The following CSMD1 variants were observed in gnomAD, a reference collection of about 807,000 sequenced individuals.
CSMD1 encodes the protein CUB and Sushi multiple domains 1.
In CSMD1, 213 loss-of-function variants were observed where a neutral mutation model predicts 417.5. The ratio of observed to expected loss-of-function variants is 0.51; its 90% confidence interval spans 0.46 to 0.57. The LOEUF is 0.57. Among genes scored for constraint, CSMD1 ranks in the 20% least tolerant of loss-of-function variants. The probability of loss-of-function intolerance (pLI) is 0.00; values close to 1 mark genes in which losing one functional copy is unlikely to be tolerated. For synonymous variants in CSMD1, 2,862 were observed against 1,736.8 expected (o/e 1.65, Z -16.11); for missense variants, 6,923 against 4,529.7 (o/e 1.53, Z -15.17).
At chr8:4,637,617 T>A in intron 1 of CSMD1, 59 bp from the exon 2 acceptor site, 1 of 1,060,718 alleles carries the variant, frequency 9.4e-7, no homozygotes, top group Non-Finnish European at 1.4e-6. Flanking sequence ...AATCTGTGAT[T>A]TAAAAAATTT....
intron 41 of CSMD1, among the ~76,000 whole-genome samples, chr8:3,141,049 T>G (rs1412841565): frequency 6.6e-6 from 1 of 152,194 alleles, no homozygotes; most frequent in Non-Finnish European, 1.5e-5. Flanking sequence ...ATCAACTCCG[T>G]GCACAATGGG....
At chr8:4,737,018 T>C (rs1357340911) in intron 1 of CSMD1, among the ~76,000 whole-genome samples, 3 of 152,148 alleles carry the variant, frequency 2.0e-5, no homozygotes, top group Non-Finnish European at 4.4e-5. Context: ...CATTCTATCA[T>C]AAAGACATAT....
chr8:3,761,306 A>G (rs1220585291), intron 5 of CSMD1, among the ~76,000 whole-genome samples: 2 of 152,170 alleles, frequency 1.3e-5, no homozygotes, highest in Non-Finnish European at 2.9e-5. Flanking sequence ...ATATATGTAC[A>G]CACGCACATA....
chr8:3,609,890 C>T (rs1031877978), intron 8 of CSMD1, among the ~76,000 whole-genome samples: 1 of 130,862 alleles, frequency 7.6e-6, no homozygotes, highest in African/African-American at 2.9e-5. Context: ...GCGATCTCGG[C>T]TCCTGGGTTC....
rs375278505 is a variant in CSMD1, at chr8:4,685,585, AAAAG to A, written c.86-48031_86-48028del. Among the ~76,000 whole-genome samples the A allele has an allele frequency of 3.8e-3, 582 of 152,078 alleles. 3 individuals are homozygous for A. The highest frequency in any genetic ancestry group is 0.012 in the African/African-American group (481 of 41,464). The stretch of plus-strand genomic sequence containing the variant: ...AATGAGACTCCTTCTTTAAAAGAAA[AAAAG>A]AAAGAAAGAAAGAAAGAAAGAAAAA... On this transcript the variant is annotated intron_variant, in intron 1 of 69. Transcript: ENST00000635120.
intron 2 of CSMD1, among the ~76,000 whole-genome samples, chr8:4,459,753 G>C (rs1375808572): frequency 6.6e-6 from 1 of 152,162 alleles, no homozygotes; most frequent in Non-Finnish European, 1.5e-5. Flanking sequence ...TAGTGATTCA[G>C]CCTCTAGCCT....
chr8:3,627,830 T>G (rs1414413691), intron 7 of CSMD1, among the ~76,000 whole-genome samples: 1 of 152,194 alleles, frequency 6.6e-6, no homozygotes, highest in African/African-American at 2.4e-5. Flanking sequence ...TATTAAGGTG[T>G]CTGATTTCAA....
intron 5 of CSMD1, among the ~76,000 whole-genome samples, chr8:3,935,756 A>T (rs1810452325): frequency 6.6e-6 from 1 of 152,154 alleles, no homozygotes. Context: ...CGTGAGACAC[A>T]GCAATAATCA....
chr8:3,258,518 T>C (rs1005366858), intron 26 of CSMD1, among the ~76,000 whole-genome samples: 10 of 152,204 alleles, frequency 6.6e-5, no homozygotes, highest in African/African-American at 2.4e-4. Context: ...GTTCAACCAT[T>C]ATGGAAGACA....
At chr8:3,839,115 T>C (rs1197330044) in intron 5 of CSMD1, among the ~76,000 whole-genome samples, 2 of 127,632 alleles carry the variant, frequency 1.6e-5, no homozygotes, top group African/African-American at 2.9e-5. Context: ...ATATATAGTC[T>C]ATATGTATAC....
chr8:4,964,058 G>A (rs1317890712), intron 1 of CSMD1, among the ~76,000 whole-genome samples: 4 of 152,088 alleles, frequency 2.6e-5, no homozygotes, highest in East Asian at 3.8e-4. Context: ...GGTGAATCTG[G>A]CAAGACATAT....
At chr8:3,772,379 T>TTAGACATA (rs1563064092) in intron 5 of CSMD1, among the ~76,000 whole-genome samples, 4 of 16,006 alleles carry the variant, frequency 2.5e-4, no homozygotes, top group African/African-American at 7.4e-4. Context: ...ATACATATAT[T>TTAGACATA]CATATATTTA....
chr8:4,557,729 C>T (rs775934383), intron 2 of CSMD1, among the ~76,000 whole-genome samples: 9 of 151,882 alleles, frequency 5.9e-5, no homozygotes, highest in Non-Finnish European at 1.3e-4. Flanking sequence ...TTCTATACAG[C>T]AAAGGGTCAA....
rs192688721 is a variant in CSMD1 at position 3,345,945 on chromosome 8, C to A, written c.3474+2047G>T. ...GCTCGATATCTCTTACATGATTTTT[C>A]CACATGAAGCAAGAAAACATCATGT... On this transcript the variant is annotated intron_variant, in intron 22 of 69. Transcript: ENST00000635120. 1.9e-3 allele frequency among the ~76,000 whole-genome samples: 287 copies of A among 152,266 alleles called. 1 individual carries two copies. The highest frequency in any genetic ancestry group is 6.4e-3 in the African/African-American group (264 of 41,566).
At chr8:4,212,748 A>ATTTTTTTTTTTTTTTTTTTT (rs1233118651) in intron 3 of CSMD1, among the ~76,000 whole-genome samples, 1 of 101,864 alleles carries the variant, frequency 9.8e-6, no homozygotes, top group African/African-American at 5.3e-5. Flanking sequence ...CAGCGGCCTT[A>ATTTTTTTTTTTTTTTTTTTT]TTCTTTTTTT....
intron 5 of CSMD1, among the ~76,000 whole-genome samples, chr8:3,887,672 C>G (rs971247028): frequency 6.6e-6 from 1 of 152,138 alleles, no homozygotes; most frequent in African/African-American, 2.4e-5. Context: ...GAGACAATAC[C>G]TATGTATCTG....
At chr8:3,767,972 C>A (rs1253355450) in intron 5 of CSMD1, among the ~76,000 whole-genome samples, 5 of 152,158 alleles carry the variant, frequency 3.3e-5, no homozygotes, top group African/African-American at 1.2e-4. Flanking sequence ...GGATGCTGAA[C>A]TTTTAAATAT....
At chr8:4,545,244 G>A (rs1225616692) in intron 2 of CSMD1, among the ~76,000 whole-genome samples, 2 of 152,198 alleles carry the variant, frequency 1.3e-5, no homozygotes, top group East Asian at 1.9e-4. Flanking sequence ...GTGCAGTAAT[G>A]TATAGTTACT....
rs187208429 is a variant in CSMD1, at chr8:3,855,697, C to T, written c.819-101655G>A. Among the ~76,000 whole-genome samples, 453 of 152,172 alleles carry T rather than the reference C, an allele frequency of 3.0e-3. 2 individuals are homozygous for T. The highest frequency in any genetic ancestry group is 4.7e-3 in the African/African-American group (197 of 41,524). Reference sequence around the variant, plus strand: ...ATAACTGTTATTTACCATATAACAGCGTAACCATTTTCTTCTACTGAGAAA... The same window carrying T: ...ATAACTGTTATTTACCATATAACAGTGTAACCATTTTCTTCTACTGAGAAA... On this transcript the variant is annotated intron_variant, in intron 5 of 69. Transcript: ENST00000635120.
Sources: allele counts gnomAD v4.1 joint callset (sites outside exome capture counted in the v4.1 genomes callset), GRCh38; gene constraint gnomAD v4.1.1; transcripts MANE v1.5; gene names NCBI Gene and HGNC (gene_info 2026-07-23, HGNC 2026-07-21).